Variants in ASTN1 observed in about 807,000 individuals in gnomAD.
The protein encoded by ASTN1 is astrotactin 1, also known as astrotactin-1.
A neutral mutation model predicts 140.7 loss-of-function variants in ASTN1; 41 were observed. The ratio of observed to expected loss-of-function variants is 0.29; its 90% CI spans 0.23 to 0.38. The LOEUF (loss-of-function observed/expected upper bound fraction) is 0.38. Among genes scored for constraint, ASTN1 ranks in the 10% least tolerant of loss-of-function variants. The probability of loss-of-function intolerance (pLI) is 1.00; values close to 1 mark genes in which losing one functional copy is unlikely to be tolerated. For synonymous variants in ASTN1, 640 were observed against 652.2 expected, an observed-to-expected ratio of 0.98 and a Z score of 0.29; for missense variants, 1,479 against 1,678.8, an observed-to-expected ratio of 0.88 and a Z score of 2.08.
Position 176,882,037 on chromosome 1 carries a change from G to T in ASTN1, c.3362+822C>A, listed in dbSNP as rs184636532. ...ACCCAAATTTTTCCATCATGATTTA[G>T]ATTCTATCATTATCTCTCCTTTTCT... On this transcript the variant is annotated intron_variant, in intron 20 of 22. Coordinates refer to ENST00000361833, the MANE Select transcript of ASTN1 (RefSeq NM_004319.3). Among the ~76,000 whole-genome samples the T allele has an allele frequency of 1.4e-3, 217 of 152,272 alleles. 1 individual carries two copies. The highest frequency in any genetic ancestry group is 5.1e-3 in the African/African-American group (213 of 41,552).
chr1:176,955,912 A>G (rs957261051), intron 11 of ASTN1, among the ~76,000 whole-genome samples: 3 of 152,248 alleles, frequency 2.0e-5, no homozygotes, highest in Admixed American at 2.0e-4. Flanking sequence ...AGCACTTAGA[A>G]TGACGCCAGA....
At chr1:177,120,725 G>T (rs554919778) in intron 1 of ASTN1, among the ~76,000 whole-genome samples, 168 of 152,166 alleles carry the variant, frequency 1.1e-3, no homozygotes, top group African/African-American at 3.9e-3. Flanking sequence ...TGCCTACATT[G>T]GTATTCGCCT....
At chr1:176,860,060 G>A (rs1667919026), downstream of ASTN1, among the ~76,000 whole-genome samples, 1 of 152,166 alleles carries the variant, frequency 6.6e-6, no homozygotes, top group Non-Finnish European at 1.5e-5. Context: ...ACTCCAGCTT[G>A]GTGGTCTCAG....
At chr1:177,159,771 A>G (rs200118343) in intron 1 of ASTN1, among the ~76,000 whole-genome samples, 2 of 151,862 alleles carry the variant, frequency 1.3e-5, no homozygotes, top group African/African-American at 4.8e-5. Flanking sequence ...CTCCTCAGGA[A>G]GAGCACTGAA....
chr1:177,137,780 A>G (rs1434410155), intron 1 of ASTN1, among the ~76,000 whole-genome samples: 1 of 152,178 alleles, frequency 6.6e-6, no homozygotes, highest in Non-Finnish European at 1.5e-5. Context: ...CTAAAACTCT[A>G]CCATGCCACT....
intron 5 of ASTN1, among the ~76,000 whole-genome samples, chr1:177,025,603 C>A (rs1416486765): frequency 6.6e-6 from 1 of 151,970 alleles, no homozygotes; most frequent in Non-Finnish European, 1.5e-5. Flanking sequence ...TTGGAATTTT[C>A]TTCTGCTCTG....
chr1:176,994,025 G>GTGTGTGTGTGTA (rs140169696), intron 8 of ASTN1, among the ~76,000 whole-genome samples: 86,707 of 150,580 alleles, frequency 0.58, 25,500 homozygotes, highest in African/African-American at 0.66. Flanking sequence ...GTACGTGTGT[G>GTGTGTGTGTGTA]TGTGTGTGTG....
intron 1 of ASTN1, among the ~76,000 whole-genome samples, chr1:177,159,516 T>G (rs925689645): frequency 6.6e-6 from 1 of 152,222 alleles, no homozygotes; most frequent in Non-Finnish European, 1.5e-5. Context: ...CTGTTTCCTA[T>G]CAGGCCAAAG....
At chr1:177,149,148 CAT>C (rs1682865282) in intron 1 of ASTN1, among the ~76,000 whole-genome samples, 1 of 91,998 alleles carries the variant, frequency 1.1e-5, no homozygotes, top group Non-Finnish European at 1.9e-5. Context: ...ATATATAGTG[CAT>C]ATATATAGTG....
At position 177,146,373 on chromosome 1, in the gene ASTN1, T is replaced by A. The variant is rs536007190; in HGVS notation, c.283+18021A>T. 2.7e-4 allele frequency among the ~76,000 whole-genome samples: 41 copies of A among 152,346 alleles called. 1 individual carries two copies. Among genetic ancestry groups the A allele is most frequent in the South Asian group, 1.0e-3 (5 of 4,830 alleles). On this transcript the variant is annotated intron_variant, in intron 1 of 22. Transcript: ENST00000361833. ...TTAATACAACGCCAAAACTCAAGCA[T>A]TAATTTCTTAAAGGTGACTGGCAAT...
chr1:177,102,464 CT>C (rs1680346987), intron 1 of ASTN1, among the ~76,000 whole-genome samples: 1 of 152,144 alleles, frequency 6.6e-6, no homozygotes, highest in Non-Finnish European at 1.5e-5. Flanking sequence ...GTCAATGACC[CT>C]TTGCAGAAAT....
chr1:176,965,673 A>T (rs979472876), intron 8 of ASTN1, among the ~76,000 whole-genome samples: 1 of 152,190 alleles, frequency 6.6e-6, no homozygotes, highest in Non-Finnish European at 1.5e-5. Context: ...ATGGACCGAT[A>T]ATTTGCTTGC....
intron 5 of ASTN1, among the ~76,000 whole-genome samples, chr1:177,027,808 C>T (rs1676206329): frequency 6.7e-6 from 1 of 150,294 alleles, no homozygotes; most frequent in Admixed American, 6.7e-5. Flanking sequence ...TAATTACTTT[C>T]TCCTTTTTTG....
At chr1:176,894,177 G>C (rs1157545187) in intron 17 of ASTN1, among the ~76,000 whole-genome samples, 1 of 152,078 alleles carries the variant, frequency 6.6e-6, no homozygotes, top group Non-Finnish European at 1.5e-5. Context: ...AGCGAGGGAA[G>C]CTGGCCCACC....
In ASTN1 at chr1:177,032,837, C is replaced by A; in HGVS notation, c.484G>T (p.Ala162Ser). The change falls in exon 3 of 23, where the codon GCT becomes TCT. Residue 162 changes from alanine (A) to serine (S), a missense_variant. Around this residue, in one of 3 missense-constraint regions of ASTN1, gnomAD observed 729 missense variants for 860.4 expected, o/e 0.85. Coordinates refer to ENST00000361833, the MANE Select transcript of ASTN1 (RefSeq NM_004319.3). Reference sequence around the variant, plus strand: ...AGGCACAAGATGGACAGCAGCAGAGCGATCATGCCACCCTAGGAAGAGAGG... The same window carrying A: ...AGGCACAAGATGGACAGCAGCAGAGAGATCATGCCACCCTAGGAAGAGAGG... Reference protein sequence around the residue: ...LHISVMGGMIALLLSILCLVM... With the variant: ...LHISVMGGMISLLLSILCLVM... The A allele has an allele frequency of 6.2e-7, 1 of 1,601,550 alleles. No individual in the cohort carries two copies. Among genetic ancestry groups the A allele is most frequent in the Non-Finnish European group, 8.5e-7 (1 of 1,173,744 alleles).
chr1:177,008,479 G>GAGGAAGAGAGAGAGGGAGAT (rs1558027941), intron 8 of ASTN1, among the ~76,000 whole-genome samples: 5 of 130,130 alleles, frequency 3.8e-5, no homozygotes, highest in African/African-American at 9.0e-5. Flanking sequence ...GAGAGAGGGA[G>GAGGAAGAGAGAGAGGGAGAT]AGGAAGAGAG....
intron 1 of ASTN1, among the ~76,000 whole-genome samples, chr1:177,151,635 G>C (rs1224970038): frequency 2.0e-5 from 3 of 152,090 alleles, no homozygotes; most frequent in Non-Finnish European, 4.4e-5. Flanking sequence ...TCACAGAATT[G>C]TTGCCTGAGA....
chr1:176,958,534 C>T (rs1672517762), intron 9 of ASTN1, 52 bp from the exon 10 acceptor site: 3 of 1,532,616 alleles, frequency 2.0e-6, no homozygotes, highest in Non-Finnish European at 2.6e-6. Flanking sequence ...TAACCACTCA[C>T]CACTGGGGGA....
intron 1 of ASTN1, among the ~76,000 whole-genome samples, chr1:177,091,059 C>T (rs1253748439): frequency 1.3e-5 from 2 of 151,998 alleles, no homozygotes; most frequent in Non-Finnish European, 2.9e-5. Context: ...AGTCCTGCCC[C>T]ACCAAAATGC....
Sources: gnomAD v4.1 joint callset for allele counts (sites outside exome capture counted in the v4.1 genomes callset) on GRCh38, gnomAD v4.1.1 for gene constraint, gnomAD v4.1.1 regional missense constraint, MANE v1.5 for transcripts, NCBI Gene and HGNC (gene_info 2026-07-23, HGNC 2026-07-21) for gene names.